Variants in FOXO1 observed in about 807,000 individuals in gnomAD.
FOXO1 encodes the protein forkhead box O1, also known as forkhead box protein O1.
A neutral mutation model predicts 44.1 loss-of-function variants in FOXO1; 6 were observed. The observed-to-expected ratio is 0.14, with a 90% CI of 0.07 to 0.27. The LOEUF is 0.27. Among genes scored for constraint, FOXO1 ranks in the 10% least tolerant of loss-of-function variants. FOXO1 has a pLI of 1.00. For missense variants in FOXO1, 737 were observed against 888.8 expected (o/e 0.83, Z 2.17); for synonymous variants, 380 against 362.7 (o/e 1.05, Z -0.54).
At chr13:40,617,306 G>A (rs965594225) in intron 1 of FOXO1, among the ~76,000 whole-genome samples, 11 of 152,130 alleles carry the variant, frequency 7.2e-5, no homozygotes, top group Admixed American at 3.3e-4. Context: ...TTAGCCGGAC[G>A]TGGTGGCACA....
chr13:40,629,577 T>C (rs1876896191), intron 1 of FOXO1, among the ~76,000 whole-genome samples: 1 of 152,234 alleles, frequency 6.6e-6, no homozygotes, highest in African/African-American at 2.4e-5. Context: ...TTTTGGAACA[T>C]TTGCATTAAA....
intron 1 of FOXO1, among the ~76,000 whole-genome samples, chr13:40,600,453 T>C (rs1437685484): frequency 6.6e-6 from 1 of 151,976 alleles, no homozygotes; most frequent in Non-Finnish European, 1.5e-5. Flanking sequence ...CGTAGGAGTA[T>C]GATAAAAATC....
Position 40,665,926 on chromosome 13 carries a change from G to A in FOXO1, c.287C>T (p.Ala96Val). 1 of 1,206,970 alleles carries A rather than the reference G, an allele frequency of 8.3e-7. No homozygotes were observed. Among genetic ancestry groups the A allele is most frequent in the Non-Finnish European group, 1.0e-6 (1 of 974,948 alleles). 74.8% of individuals were successfully genotyped at this position (1,206,970 alleles called of 1,614,324 possible). A position where few individuals can be genotyped will look rare whatever the true frequency, so the allele number is the denominator to read the frequency against. ...APGSVAAAVAAAAAAAATGGL... is the reference protein window; with the variant it reads ...APGSVAAAVAVAAAAAATGGL... ...CCCGGTGGCGGCCGCGGCGGCCGCC[G>A]CCGCCACCGCCGCCGCCACGGAGCC... Residue 96 changes from alanine to valine, a missense_variant, in exon 1 of 3, where the codon GCG becomes GTG. Transcript: ENST00000379561.
intron 1 of FOXO1, among the ~76,000 whole-genome samples, chr13:40,594,246 T>C (rs1659190451): frequency 6.6e-6 from 1 of 152,096 alleles, no homozygotes; most frequent in South Asian, 2.1e-4. Flanking sequence ...ACTTCTATGC[T>C]CTTCTGGAGT....
At chr13:40,659,863 C>A (rs551015056) in intron 1 of FOXO1, among the ~76,000 whole-genome samples, 1 of 152,078 alleles carries the variant, frequency 6.6e-6, no homozygotes, top group Non-Finnish European at 1.5e-5. Flanking sequence ...AAATAGCCAA[C>A]GTACAAAAAT....
chr13:40,568,963 C>CT (rs1874377035), intron 1 of FOXO1, among the ~76,000 whole-genome samples: 1 of 151,918 alleles, frequency 6.6e-6, no homozygotes, highest in Non-Finnish European at 1.5e-5. Context: ...CCACATGGAG[C>CT]TTTAGTACTG....
chr13:40,600,666 C>G (rs1875784978), intron 1 of FOXO1, among the ~76,000 whole-genome samples: 1 of 152,136 alleles, frequency 6.6e-6, no homozygotes, highest in Non-Finnish European at 1.5e-5. Context: ...TAGTAAATTA[C>G]TGTTTGGGTA....
chr13:40,568,814 G>A (rs546601838), intron 1 of FOXO1, among the ~76,000 whole-genome samples: 2 of 151,780 alleles, frequency 1.3e-5, no homozygotes, highest in Admixed American at 1.3e-4. Context: ...TGTGGACAGA[G>A]ACTGGCGGCC....
At chr13:40,574,086 T>C (rs1874649322) in intron 1 of FOXO1, among the ~76,000 whole-genome samples, 1 of 152,244 alleles carries the variant, frequency 6.6e-6, no homozygotes, top group South Asian at 2.1e-4. Context: ...TGCACACAAG[T>C]ACAAACGTTT....
rs9577082 is a variant in FOXO1 at position 40,636,115 on chromosome 13, G to A, written c.630+29468C>T. Among the ~76,000 whole-genome samples, 183 of 152,084 alleles carry A rather than the reference G, an allele frequency of 1.2e-3. 4 individuals carry two copies. In the East Asian group the frequency reaches 0.019, roughly 16 times the overall value. On this transcript the variant is annotated intron_variant, in intron 1 of 2. Transcript: ENST00000379561. ...CTGTAGTCCCAACTACTTGGGAGGC[G>A]GAGGCAGGAGAATCGCTTGAACCTG...
intron 1 of FOXO1, chr13:40,610,936 A>G (rs1295805862): frequency 5.6e-6 from 2 of 359,236 alleles, no homozygotes; most frequent in Admixed American, 3.4e-5. Context: ...ATCTTCTACC[A>G]GTATTCATTA....
intron 1 of FOXO1, among the ~76,000 whole-genome samples, chr13:40,563,031 A>T (rs1874100054): frequency 6.6e-6 from 1 of 152,228 alleles, no homozygotes. Flanking sequence ...GAATGTGCAC[A>T]GTCTCCCAGC....
rs1191524736 is a variant in FOXO1, at chr13:40,557,775, A to G, written c.*1274T>C. On this transcript the variant is annotated 3_prime_UTR_variant, in exon 3 of 3. Transcript: ENST00000379561. ...ACTCAAAATGGTGAAGTGGATCAAA[A>G]TCCCTCGTTTGACAAAGGACCATTG... The G allele has an allele frequency of 6.6e-6, 1 of 152,212 alleles. No individual in the cohort carries two copies. The highest frequency in any genetic ancestry group is 2.4e-5 in the African/African-American group (1 of 41,458). The allele number at this position is 152,212 out of a possible 1,614,324, so 9.4% of individuals were successfully genotyped here.
chr13:40,666,343 C>A lies in FOXO1; in HGVS notation c.-131G>T. ...GAACGAAGCCGGTGCGGCGAGCGGA[C>A]GGAAACTGGGAGGAAGGCGCGGCGG... On this transcript the variant is annotated 5_prime_UTR_variant, in exon 1 of 3. Coordinates refer to ENST00000379561, the MANE Select transcript of FOXO1 (RefSeq NM_002015.4). 1 of 707,668 alleles carries A rather than the reference C, an allele frequency of 1.4e-6. No homozygotes were observed. The highest frequency in any genetic ancestry group is 2.9e-5 in the South Asian group (1 of 34,176). 43.8% of individuals were successfully genotyped at this position (707,668 alleles called of 1,614,324 possible).
intron 1 of FOXO1, among the ~76,000 whole-genome samples, chr13:40,627,816 G>C (rs1302233354): frequency 1.3e-5 from 2 of 149,608 alleles, no homozygotes; most frequent in East Asian, 1.9e-4. Context: ...CTGGGCAACA[G>C]AGTGATACTC....
At chr13:40,659,269 C>T (rs551078034) in intron 1 of FOXO1, among the ~76,000 whole-genome samples, 1 of 145,680 alleles carries the variant, frequency 6.9e-6, no homozygotes, top group African/African-American at 2.5e-5. Flanking sequence ...GGGCTGAGAT[C>T]ACGCCACTGC....
chr13:40,651,529 A>T (rs1449877193), intron 1 of FOXO1, among the ~76,000 whole-genome samples: 1 of 151,496 alleles, frequency 6.6e-6, no homozygotes, highest in Non-Finnish European at 1.5e-5. Context: ...ATACCAAATA[A>T]CTTCAAGAGA....
At chr13:40,616,958 GA>G (rs1417312914) in intron 1 of FOXO1, among the ~76,000 whole-genome samples, 1 of 152,174 alleles carries the variant, frequency 6.6e-6, no homozygotes, top group Non-Finnish European at 1.5e-5. Flanking sequence ...TCATGCTTTA[GA>G]ATCTTTATGC....
chr13:40,563,463 G>A (rs1288509376), intron 1 of FOXO1, among the ~76,000 whole-genome samples: 1 of 152,130 alleles, frequency 6.6e-6, no homozygotes, highest in Non-Finnish European at 1.5e-5. Context: ...CAGCAGCTAC[G>A]TGACAAGCCC....
Sources: allele counts gnomAD v4.1 joint callset (sites outside exome capture counted in the v4.1 genomes callset), GRCh38; gene constraint gnomAD v4.1.1; transcripts MANE v1.5; gene names NCBI Gene and HGNC (gene_info 2026-07-23, HGNC 2026-07-21).